Variants in CCDC141 observed in about 807,000 individuals in gnomAD.
CCDC141 encodes the protein coiled-coil domain containing 141.
In CCDC141, 168 loss-of-function variants were observed where a neutral mutation model predicts 181.0. That is an observed-to-expected ratio of 0.93 (90% CI 0.82 to 1.05). The LOEUF (loss-of-function observed/expected upper bound fraction) is 1.05. Ranked by LOEUF, CCDC141 falls within the 50% of genes least tolerant of loss-of-function variation. CCDC141 has a pLI of 0.00. For synonymous variants in CCDC141, 666 were observed against 642.3 expected (o/e 1.04, Z -0.56); for missense variants, 1,902 against 1,788.5 (o/e 1.06, Z -1.14).
At position 178,849,549 on chromosome 2, in the gene CCDC141, T is replaced by C. The variant is rs557438894; in HGVS notation, c.3357+500A>G. Among the ~76,000 whole-genome samples, 11 of 152,356 alleles carry C rather than the reference T, an allele frequency of 7.2e-5. No homozygotes were observed. The South Asian group carries it at 2.1e-3, about 29-fold the overall frequency. On this transcript the variant is annotated intron_variant, in intron 21 of 23. Transcript: ENST00000443758. ...CTGGTTTTGCTTAGACATAAACATA[T>C]TCTCCATATTTGTTACCATCAAATT...
intron 4 of CCDC141, among the ~76,000 whole-genome samples, chr2:178,963,644 T>C (rs556815717): frequency 6.6e-6 from 1 of 152,156 alleles, no homozygotes; most frequent in East Asian, 1.9e-4. Flanking sequence ...TGGGCCAGTT[T>C]TCTCTTTCAA....
chr2:178,827,958 T>C (rs1259658764), downstream of CCDC141, among the ~76,000 whole-genome samples: 1 of 152,190 alleles, frequency 6.6e-6, no homozygotes, highest in Non-Finnish European at 1.5e-5. Context: ...CTTCCAGCGA[T>C]TGCAATCTCT....
At chr2:178,866,192 T>C (rs1685844270) in intron 16 of CCDC141, among the ~76,000 whole-genome samples, 1 of 152,212 alleles carries the variant, frequency 6.6e-6, no homozygotes, top group Admixed American at 6.5e-5. Flanking sequence ...TTATAGGGTA[T>C]AATTTTTACT....
intron 2 of CCDC141, among the ~76,000 whole-genome samples, chr2:179,007,201 G>T (rs2042143169): frequency 6.6e-6 from 1 of 152,176 alleles, no homozygotes; most frequent in South Asian, 2.1e-4. Flanking sequence ...GCTTGGTGTA[G>T]CTGACTGGCC....
intron 6 of CCDC141, among the ~76,000 whole-genome samples, chr2:178,921,024 G>A (rs1163486341): frequency 1.3e-5 from 2 of 152,168 alleles, no homozygotes; most frequent in African/African-American, 2.4e-5. Context: ...TACGTATCCA[G>A]TAAGAGGCAG....
chr2:178,999,624 T>A lies in CCDC141; in HGVS notation c.226-20949A>T, dbSNP rs190395143. 7.2e-5 allele frequency among the ~76,000 whole-genome samples: 11 copies of A among 152,324 alleles called. No individual in the cohort carries two copies. The East Asian group carries it at 1.7e-3, about 24-fold the overall frequency. ...GATCCTCAGTGCTTGATTCTTTTTTTAGTCTTATCCCTGTTGGCTGACTCC... is the reference window on the plus strand; with the variant it reads ...GATCCTCAGTGCTTGATTCTTTTTTAAGTCTTATCCCTGTTGGCTGACTCC... On this transcript the variant is annotated intron_variant, in intron 2 of 23. Coordinates refer to ENST00000443758, the MANE Select transcript of CCDC141 (RefSeq NM_173648.4).
rs35759895 is a variant in CCDC141 at position 178,871,847 on chromosome 2, A to G, written c.2079+286T>C. 0.092 allele frequency among the ~76,000 whole-genome samples: 13,975 copies of G among 152,222 alleles called. 720 individuals carry two copies. The highest frequency in any genetic ancestry group is 0.14 in the East Asian group (730 of 5,178). On this transcript the variant is annotated intron_variant, in intron 13 of 23. Coordinates refer to ENST00000443758, the MANE Select transcript of CCDC141 (RefSeq NM_173648.4). The stretch of plus-strand genomic sequence containing the variant: ...ACATTCACATCAATGTGCAATCAAC[A>G]TCACCACCAACCACCTCCAGAACTT...
chr2:178,841,388 A>C (rs1408585741), intron 22 of CCDC141, among the ~76,000 whole-genome samples: 1 of 152,198 alleles, frequency 6.6e-6, no homozygotes, highest in Admixed American at 6.5e-5. Flanking sequence ...AGAATTACTC[A>C]TTAAATAATC....
chr2:178,997,966 GC>G (rs1692363227), intron 2 of CCDC141, among the ~76,000 whole-genome samples: 1 of 152,114 alleles, frequency 6.6e-6, no homozygotes, highest in South Asian at 2.1e-4. Flanking sequence ...AAGAGAAGCA[GC>G]TCTTCCCCAT....
intron 16 of CCDC141, among the ~76,000 whole-genome samples, chr2:178,866,293 A>T (rs998317730): frequency 2.0e-5 from 3 of 152,250 alleles, no homozygotes; most frequent in Admixed American, 2.0e-4. Context: ...TCATTATGCA[A>T]GTGCTCCAAT....
chr2:178,867,773 C>A (rs971185033), intron 16 of CCDC141, among the ~76,000 whole-genome samples: 1 of 152,044 alleles, frequency 6.6e-6, no homozygotes, highest in South Asian at 2.1e-4. Context: ...CTATACAGAT[C>A]TACTATATAA....
chr2:178,990,996 A>C (rs1692027400), intron 2 of CCDC141, among the ~76,000 whole-genome samples: 1 of 152,150 alleles, frequency 6.6e-6, no homozygotes, highest in South Asian at 2.1e-4. Context: ...ACATTGCCCC[A>C]AAAATGTAAT....
intron 5 of CCDC141, among the ~76,000 whole-genome samples, chr2:178,959,641 T>C (rs1690310812): frequency 1.3e-5 from 2 of 152,156 alleles, no homozygotes; most frequent in African/African-American, 4.8e-5. Flanking sequence ...GTATAATGGC[T>C]AGAGCAGAGT....
At chr2:178,989,457 G>T (rs1314714912) in intron 2 of CCDC141, among the ~76,000 whole-genome samples, 3 of 151,656 alleles carry the variant, frequency 2.0e-5, no homozygotes, top group African/African-American at 7.3e-5. Context: ...AGCCAGGTGT[G>T]GTGGTGGGCA....
chr2:179,001,981 G>C (rs935046827), intron 2 of CCDC141: 1 of 159,722 alleles, frequency 6.3e-6, no homozygotes, highest in Admixed American at 6.4e-5. Flanking sequence ...ACCACACCTG[G>C]CTAATTTTTG....
chr2:178,827,378 G>GTT (rs1331642698), downstream of CCDC141, among the ~76,000 whole-genome samples: 2 of 152,132 alleles, frequency 1.3e-5, no homozygotes, highest in African/African-American at 4.8e-5. Flanking sequence ...TGATAGTGCT[G>GTT]TTTAGGTCAT....
At position 178,834,495 on chromosome 2, in the gene CCDC141, C is replaced by T. The variant is rs1047887486; in HGVS notation, c.4326-55G>A. 17 of 1,516,438 alleles carry T rather than the reference C, an allele frequency of 1.1e-5. No individual in the cohort carries two copies. In the African/African-American group the frequency reaches 2.3e-4, roughly 21 times the overall value. 93.9% of individuals were successfully genotyped at this position (1,516,438 alleles called of 1,614,324 possible). A position where few individuals can be genotyped will look rare whatever the true frequency, so the allele number is the denominator to read the frequency against. On this transcript the variant is annotated intron_variant, in intron 23 of 23. Transcript: ENST00000443758. Reference sequence around the variant, plus strand: ...GGATTGCTGTTTATTCACATTATTTCCAAGTTCTAATAATGCTTGCAAATA... The same window carrying T: ...GGATTGCTGTTTATTCACATTATTTTCAAGTTCTAATAATGCTTGCAAATA...
intron 5 of CCDC141, among the ~76,000 whole-genome samples, chr2:178,952,374 T>C (rs944671969): frequency 1.3e-5 from 2 of 152,226 alleles, no homozygotes; most frequent in African/African-American, 2.4e-5. Context: ...TTAAAATATA[T>C]AATATTTTTT....
At chr2:178,839,109 G>C (rs1188261670) in intron 22 of CCDC141, among the ~76,000 whole-genome samples, 1 of 152,100 alleles carries the variant, frequency 6.6e-6, no homozygotes, top group African/African-American at 2.4e-5. Flanking sequence ...TATACATTTT[G>C]TAAGTGATTT....
Sources: allele counts gnomAD v4.1 joint callset (sites outside exome capture counted in the v4.1 genomes callset), GRCh38; gene constraint gnomAD v4.1.1; transcripts MANE v1.5; gene names NCBI Gene and HGNC (gene_info 2026-07-23, HGNC 2026-07-21).